RBFOX1: variants seen among roughly 807,000 people sequenced by gnomAD.
RBFOX1 encodes the protein RNA binding protein fox-1 homolog 1.
A neutral mutation model predicts 57.7 loss-of-function variants in RBFOX1; 8 were observed. The ratio of observed to expected loss-of-function variants is 0.14; its 90% CI spans 0.08 to 0.25. RBFOX1 has a LOEUF of 0.25. Ranked by LOEUF, RBFOX1 falls within the 10% of genes least tolerant of loss-of-function variation. The pLI, the probability that RBFOX1 is intolerant of heterozygous loss-of-function variation, is 1.00. For synonymous variants in RBFOX1, 326 were observed against 222.4 expected, an observed-to-expected ratio of 1.47 and a Z score of -4.15; for missense variants, 611 against 548.5, an observed-to-expected ratio of 1.11 and a Z score of -1.14.
intron 4 of RBFOX1, among the ~76,000 whole-genome samples, chr16:7,270,461 G>A (rs959613914): frequency 2.0e-5 from 3 of 152,188 alleles, no homozygotes; most frequent in Non-Finnish European, 2.9e-5. Flanking sequence ...TTATGGAAAT[G>A]TAAGAAGTTT....
intron 3 of RBFOX1, among the ~76,000 whole-genome samples, chr16:6,761,202 A>C (rs144646361): frequency 6.6e-6 from 1 of 152,156 alleles, no homozygotes; most frequent in Non-Finnish European, 1.5e-5. Flanking sequence ...AAAGGAGGCA[A>C]ATGAGCAATA....
intron 1 of RBFOX1, among the ~76,000 whole-genome samples, chr16:6,150,907 A>G (rs1047939603): frequency 2.0e-5 from 3 of 152,110 alleles, no homozygotes; most frequent in Non-Finnish European, 4.4e-5. Flanking sequence ...TTTTCCGGCA[A>G]TTCATTGATT....
chr16:6,115,309 G>C (rs1186595806), intron 1 of RBFOX1, among the ~76,000 whole-genome samples: 1 of 152,168 alleles, frequency 6.6e-6, no homozygotes, highest in Non-Finnish European at 1.5e-5. Context: ...CTGCCCCTTA[G>C]AATGTAACAA....
intron 2 of RBFOX1, among the ~76,000 whole-genome samples, chr16:6,526,660 G>A (rs2096581901): frequency 6.6e-6 from 1 of 151,160 alleles, no homozygotes; most frequent in Admixed American, 6.6e-5. Flanking sequence ...GAAACCCCGT[G>A]TCTACTAAAA....
intron 3 of RBFOX1, among the ~76,000 whole-genome samples, chr16:5,713,031 G>A (rs929987915): frequency 6.6e-6 from 1 of 152,200 alleles, no homozygotes; most frequent in Non-Finnish European, 1.5e-5. Context: ...ACTTTAGCCA[G>A]TGAGAGGTAA....
At chr16:6,291,491 A>T (rs1284199208) in intron 1 of RBFOX1, among the ~76,000 whole-genome samples, 2 of 152,138 alleles carry the variant, frequency 1.3e-5, no homozygotes, top group Admixed American at 6.5e-5. Flanking sequence ...CCTCAAACTC[A>T]CTAAGCCAAA....
chr16:7,419,885 C>T (rs2098523070), intron 4 of RBFOX1, among the ~76,000 whole-genome samples: 1 of 150,664 alleles, frequency 6.6e-6, no homozygotes, highest in South Asian at 2.1e-4. Flanking sequence ...ATTTTAGCAA[C>T]CTGCATTGAC....
In RBFOX1 at chr16:6,385,517, A is replaced by G. The variant is rs892697601; in HGVS notation, c.-64+68460A>G. 4.0e-5 allele frequency among the ~76,000 whole-genome samples: 6 copies of G among 151,762 alleles called. No individual in the cohort carries two copies. In the East Asian group the frequency reaches 1.2e-3, roughly 30 times the overall value. ...TGGGATTACAGGCATGCACCACCAC[A>G]CCCGGATAATTTTTGTATTTTTAGC... On this transcript the variant is annotated intron_variant, in intron 2 of 15. Coordinates refer to ENST00000550418, the MANE Select transcript of RBFOX1 (RefSeq NM_018723.4).
At chr16:6,888,894 T>C (rs139861254) in intron 3 of RBFOX1, among the ~76,000 whole-genome samples, 1,727 of 152,300 alleles carry the variant, frequency 0.011, 25 homozygotes, top group Middle Eastern at 0.051. Flanking sequence ...AGAATTATTT[T>C]AGCATCTGAA....
chr16:5,906,838 A>G (rs1458447089), intron 4 of RBFOX1, among the ~76,000 whole-genome samples: 1 of 146,566 alleles, frequency 6.8e-6, no homozygotes, highest in Non-Finnish European at 1.5e-5. Context: ...GGGGTCAAGC[A>G]ATTCTCTTGC....
At chr16:6,583,568 C>A (rs1394296064) in intron 2 of RBFOX1, among the ~76,000 whole-genome samples, 1 of 152,226 alleles carries the variant, frequency 6.6e-6, no homozygotes. Context: ...GGGAGAGCAT[C>A]TTGTTACCTG....
intron 3 of RBFOX1, among the ~76,000 whole-genome samples, chr16:5,800,440 C>G (rs771792611): frequency 1.1e-4 from 17 of 152,278 alleles, no homozygotes; most frequent in Non-Finnish European, 2.2e-4. Context: ...TGTGAACAGG[C>G]TCTGCACCCC....
chr16:6,461,374 C>T (rs2094915817), intron 2 of RBFOX1, among the ~76,000 whole-genome samples: 1 of 152,136 alleles, frequency 6.6e-6, no homozygotes, highest in African/African-American at 2.4e-5. Flanking sequence ...AATAAGGGCA[C>T]ATTCTGAGGT....
chr16:7,654,350 A>C (rs1217467424), intron 12 of RBFOX1, among the ~76,000 whole-genome samples: 3 of 152,250 alleles, frequency 2.0e-5, no homozygotes, highest in African/African-American at 7.2e-5. Context: ...CATAAAAATC[A>C]CTGGGGTCGT....
intron 1 of RBFOX1, chr16:6,037,305 C>T (rs75750949): frequency 6.6e-6 from 1 of 152,212 alleles, no homozygotes; most frequent in African/African-American, 2.4e-5. Flanking sequence ...GAAAGTCCTT[C>T]CTGAAAATTC....
At chr16:6,598,468 A>G (rs2097801488) in intron 2 of RBFOX1, among the ~76,000 whole-genome samples, 1 of 152,234 alleles carries the variant, frequency 6.6e-6, no homozygotes, top group African/African-American at 2.4e-5. Flanking sequence ...CAGTAATCCT[A>G]TTAATCAGTC....
chr16:7,686,043 G>T (rs532527386), intron 14 of RBFOX1, among the ~76,000 whole-genome samples: 1 of 152,130 alleles, frequency 6.6e-6, no homozygotes, highest in South Asian at 2.1e-4. Flanking sequence ...ATTAATGGAT[G>T]ACCATTGCTT....
intron 2 of RBFOX1, among the ~76,000 whole-genome samples, chr16:6,455,971 TAGCCACTGGAACTGAGCAC>T (rs1218940596): frequency 1.3e-5 from 2 of 152,098 alleles, no homozygotes; most frequent in African/African-American, 4.8e-5. Context: ...AGACTAAAGC[TAGCCACTGGAACTGAGCAC>T]AAAGCTTATA....
rs1315953418 is a variant in RBFOX1, at chr16:6,499,544, A to G, written c.-63-155059A>G. On this transcript the variant is annotated intron_variant, in intron 2 of 15. Coordinates refer to ENST00000550418, the MANE Select transcript of RBFOX1 (RefSeq NM_018723.4). ...GATTGGATTGGGTGTATTTTTCATC[A>G]GCATCTCCCGTGTGAGCCATGATTC... Among the ~76,000 whole-genome samples the G allele has an allele frequency of 2.6e-5, 4 of 152,156 alleles. No individual in the cohort carries two copies. In the South Asian group the frequency reaches 6.2e-4, roughly 24 times the overall value.
Sources: gnomAD v4.1 joint callset for allele counts (sites outside exome capture counted in the v4.1 genomes callset) on GRCh38, gnomAD v4.1.1 for gene constraint, MANE v1.5 for transcripts, NCBI Gene and HGNC (gene_info 2026-07-23, HGNC 2026-07-21) for gene names.